Variants in LOC128125817 observed in about 807,000 individuals in gnomAD.
the LOC128125817 span, among the ~76,000 whole-genome samples, chr1:41,595,828 C>T: frequency 6.6e-6 from 1 of 152,180 alleles, no homozygotes; most frequent in African/African-American, 2.4e-5. Context: ...GCTTCCTGCC[C>T]TCAAACATTG....
chr1:41,589,159 C>A, the LOC128125817 span, among the ~76,000 whole-genome samples: 1 of 152,184 alleles, frequency 6.6e-6, no homozygotes, highest in Non-Finnish European at 1.5e-5. Flanking sequence ...TTGGTGAGAG[C>A]ACCTGTAAAA....
At chr1:41,627,983 T>A in the LOC128125817 span, among the ~76,000 whole-genome samples, 1 of 148,010 alleles carries the variant, frequency 6.8e-6, no homozygotes, top group African/African-American at 2.5e-5. Flanking sequence ...AGAGAAAACA[T>A]CCAAGGACTT....
the LOC128125817 span, among the ~76,000 whole-genome samples, chr1:41,587,852 A>C: frequency 6.6e-6 from 1 of 152,160 alleles, no homozygotes; most frequent in Non-Finnish European, 1.5e-5. Context: ...CTTCTGTGGC[A>C]TGATGCGCAC....
chr1:41,589,702 T>C, the LOC128125817 span, among the ~76,000 whole-genome samples: 1 of 152,112 alleles, frequency 6.6e-6, no homozygotes, highest in South Asian at 2.1e-4. Context: ...CGGTCAAAGT[T>C]AGATAAGGCT....
chr1:41,624,823 C>T, the LOC128125817 span, among the ~76,000 whole-genome samples: 4 of 152,170 alleles, frequency 2.6e-5, no homozygotes, highest in Non-Finnish European at 5.9e-5. Context: ...GGCTTTAAGG[C>T]AAGCTGTTAA....
chr1:41,591,156 C>T, the LOC128125817 span, among the ~76,000 whole-genome samples: 1 of 152,178 alleles, frequency 6.6e-6, no homozygotes, highest in South Asian at 2.1e-4. Context: ...AGATTCCAGT[C>T]CTGGCTCTGC....
the LOC128125817 span, among the ~76,000 whole-genome samples, chr1:41,586,081 G>T: frequency 6.6e-6 from 1 of 152,232 alleles, no homozygotes; most frequent in South Asian, 2.1e-4. Context: ...TTGCCAGGAG[G>T]ATCATTCTGG....
the LOC128125817 span, among the ~76,000 whole-genome samples, chr1:41,624,807 T>C: frequency 6.6e-6 from 1 of 152,192 alleles, no homozygotes; most frequent in Non-Finnish European, 1.5e-5. Flanking sequence ...CTGAAGACCA[T>C]TCTGTGGCTT....
chr1:41,610,862 C>T, the LOC128125817 span, among the ~76,000 whole-genome samples: 1 of 152,212 alleles, frequency 6.6e-6, no homozygotes, highest in African/African-American at 2.4e-5. Flanking sequence ...CTGAGGGGAG[C>T]AGTCATCATC....
At chr1:41,614,242 T>C in the LOC128125817 span, among the ~76,000 whole-genome samples, 8 of 152,238 alleles carry the variant, frequency 5.3e-5, no homozygotes, top group African/African-American at 1.4e-4. Flanking sequence ...AACAGCTGCC[T>C]GAAAATATAA....
chr1:41,600,229 AG>A, the LOC128125817 span, among the ~76,000 whole-genome samples: 1 of 152,230 alleles, frequency 6.6e-6, no homozygotes, highest in African/African-American at 2.4e-5. Flanking sequence ...TATACTCAAA[AG>A]AATTGAAATC....
chr1:41,605,083 T>G, the LOC128125817 span, among the ~76,000 whole-genome samples: 1 of 135,300 alleles, frequency 7.4e-6, no homozygotes. Flanking sequence ...CCAGTCTGGG[T>G]GACAGAATGA....
the LOC128125817 span, among the ~76,000 whole-genome samples, chr1:41,626,618 G>A: frequency 6.6e-6 from 1 of 152,180 alleles, no homozygotes; most frequent in Non-Finnish European, 1.5e-5. Context: ...ACTAGTTCAA[G>A]TATCTGTTGT....
chr1:41,619,000 C>T, the LOC128125817 span, among the ~76,000 whole-genome samples: 1 of 152,214 alleles, frequency 6.6e-6, no homozygotes, highest in African/African-American at 2.4e-5. Flanking sequence ...TAGCTGGCCT[C>T]GGGCTGCTGC....
chr1:41,585,781 G>A, the LOC128125817 span, among the ~76,000 whole-genome samples: 1 of 152,208 alleles, frequency 6.6e-6, no homozygotes, highest in Non-Finnish European at 1.5e-5. Context: ...TGACATTGGA[G>A]ATGCAGATGC....
the LOC128125817 span, among the ~76,000 whole-genome samples, chr1:41,612,359 C>A: frequency 5.3e-5 from 8 of 152,202 alleles, no homozygotes; most frequent in African/African-American, 1.9e-4. Flanking sequence ...CTACAGCTCA[C>A]CAAAGGCCCC....
chr1:41,611,471 C>A, the LOC128125817 span, among the ~76,000 whole-genome samples: 5 of 152,200 alleles, frequency 3.3e-5, no homozygotes, highest in Non-Finnish European at 4.4e-5. Flanking sequence ...TCAGAACGAG[C>A]CTATCAGGCC....
At chr1:41,594,957 G>C in the LOC128125817 span, among the ~76,000 whole-genome samples, 1 of 152,050 alleles carries the variant, frequency 6.6e-6, no homozygotes, top group Non-Finnish European at 1.5e-5. Flanking sequence ...TCCCTAGCTA[G>C]CCAGTTGTCC....
chr1:41,603,330 A>G, the LOC128125817 span, among the ~76,000 whole-genome samples: 1 of 151,340 alleles, frequency 6.6e-6, no homozygotes, highest in Non-Finnish European at 1.5e-5. Flanking sequence ...GGCCTCCCAA[A>G]GCGCTGGGAT....
Sources: gnomAD v4.1 joint callset for allele counts (sites outside exome capture counted in the v4.1 genomes callset) on GRCh38, gnomAD v4.1.1 for gene constraint, MANE v1.5 for transcripts.